Variants in RGMB observed in about 807,000 individuals in gnomAD.
RGMB encodes repulsive guidance molecule B.
A neutral mutation model predicts 26.9 loss-of-function variants in RGMB; 16 were observed. That is an observed-to-expected ratio of 0.60 (90% CI 0.40 to 0.90). RGMB has a LOEUF of 0.90. RGMB is among the 40% of genes least tolerant of loss of function. RGMB has a pLI of 0.00. For missense variants in RGMB, 512 were observed against 573.3 expected (o/e 0.89, Z 1.09); for synonymous variants, 225 against 229.3 (o/e 0.98, Z 0.17).
At chr5:98,772,350 G>A (rs890096019), upstream of RGMB, among the ~76,000 whole-genome samples, 1 of 152,224 alleles carries the variant, frequency 6.6e-6, no homozygotes, top group African/African-American at 2.4e-5. Flanking sequence ...TAAGTGAGCT[G>A]GTGAGACTGA....
At chr5:98,783,934 T>C (rs6866527) in intron 2 of RGMB, among the ~76,000 whole-genome samples, 12,319 of 152,278 alleles carry the variant, frequency 0.081, 635 homozygotes, top group African/African-American at 0.15. Flanking sequence ...GTATCCTTTT[T>C]CACCACTCTT....
chr5:98,773,278 T>G (rs767874393), upstream of RGMB: 6 of 152,042 alleles, frequency 3.9e-5, no homozygotes, highest in Non-Finnish European at 8.8e-5. Context: ...TCGGATCACA[T>G]TAATTCAAGG....
intron 2 of RGMB, among the ~76,000 whole-genome samples, chr5:98,782,065 G>A (rs1453124675): frequency 6.6e-6 from 1 of 152,182 alleles, no homozygotes; most frequent in Non-Finnish European, 1.5e-5. Context: ...GTCTTTAATT[G>A]CACTATTGGA....
intron 2 of RGMB, among the ~76,000 whole-genome samples, chr5:98,782,006 G>C (rs979254275): frequency 6.6e-6 from 1 of 152,210 alleles, no homozygotes; most frequent in African/African-American, 2.4e-5. Flanking sequence ...AAAAAAGTTG[G>C]AGAAAGTGGT....
intron 1 of RGMB, 80 bp downstream of exon 1, chr5:98,774,286 T>A: frequency 7.7e-7 from 1 of 1,296,588 alleles, no homozygotes; most frequent in Non-Finnish European, 9.9e-7. Context: ...TCGAAGGCGC[T>A]CGCCGGGGCG....
At chr5:98,773,269 CG>C (rs1327964960), upstream of RGMB, 1 of 151,988 alleles carries the variant, frequency 6.6e-6, no homozygotes, top group African/African-American at 2.4e-5. Context: ...GAAGATGAAT[CG>C]GATCACATTA....
At position 98,779,599 on chromosome 5, in the gene RGMB, C is replaced by G; in HGVS notation, c.156C>G (p.Ala52=). 6.6e-7 allele frequency: 1 copy of G among 1,517,370 alleles called. No homozygotes were observed. The highest frequency in any genetic ancestry group is 8.8e-7 in the Non-Finnish European group (1 of 1,131,756). The allele number at this position is 1,517,370 out of a possible 1,614,324, so 94.0% of individuals were successfully genotyped here. ...CCATAGGTGACTGCCAACAGCCAGCCCAATGTCGAATCCAGAAATGCACCA... is the reference window on the plus strand; with the variant it reads ...CCATAGGTGACTGCCAACAGCCAGCGCAATGTCGAATCCAGAAATGCACCA... The part of the protein sequence containing the change: ...LLHAGDCQQP[A]QCRIQKCTTD... The change falls in exon 2 of 3, where the codon GCC becomes GCG. Residue 52 remains alanine (A), a synonymous_variant. Coordinates refer to ENST00000513185, the MANE Select transcript of RGMB (RefSeq NM_001366508.1).
At position 98,793,749 on chromosome 5, in the gene RGMB, TG is replaced by T. The variant is rs2112383391; in HGVS notation, c.1311del (p.Leu437PhefsTer15). The T allele has an allele frequency of 6.5e-7, 1 of 1,549,226 alleles. No homozygotes were observed. Among genetic ancestry groups the T allele is most frequent in the East Asian group, 2.4e-5 (1 of 42,108 alleles). On this transcript the variant is annotated frameshift_variant, in exon 3 of 3. Transcript: ENST00000513185. LOFTEE classifies it high-confidence loss of function. ...ACCTGCTTGATCCTTATCGTGTTTT[TG>T]TAGGGGTTGTCTTTTGTTTTGGTTT... Reference protein sequence around the residue: ...GLTCLILIVFL With the variant: ...GLTCLILIVFX
chr5:98,786,604 G>A (rs1746772767), intron 2 of RGMB, among the ~76,000 whole-genome samples: 1 of 152,206 alleles, frequency 6.6e-6, no homozygotes, highest in South Asian at 2.1e-4. Flanking sequence ...AATGAAAACT[G>A]CTACCTTATC....
intron 2 of RGMB, among the ~76,000 whole-genome samples, chr5:98,788,179 A>G (rs1489781188): frequency 6.6e-6 from 1 of 152,192 alleles, no homozygotes; most frequent in African/African-American, 2.4e-5. Flanking sequence ...TTCAAGCCCT[A>G]AAAGGAGTCC....
chr5:98,769,293 C>T (rs1746072964), upstream of RGMB: 1 of 152,174 alleles, frequency 6.6e-6, no homozygotes, highest in Non-Finnish European at 1.5e-5. Flanking sequence ...CTGTTCACCT[C>T]TATTTGAGGC....
At chr5:98,790,227 A>G (rs959277615) in intron 2 of RGMB, among the ~76,000 whole-genome samples, 11 of 152,228 alleles carry the variant, frequency 7.2e-5, no homozygotes, top group Admixed American at 6.5e-4. Context: ...TATTTAAACT[A>G]CAAGGGACTA....
chr5:98,773,908 T>C lies in RGMB; in HGVS notation c.-163T>C. ...ACTGGCTGCGCCGGCTGCGCGCTGC[T>C]TGCTGCGGCGGTGGTGGCGCCCCAT... On this transcript the variant is annotated 5_prime_UTR_variant, in exon 1 of 3. Transcript: ENST00000513185. The C allele has an allele frequency of 1.9e-6, 1 of 536,014 alleles. No homozygotes were observed. The highest frequency in any genetic ancestry group is 3.3e-6 in the Non-Finnish European group (1 of 305,118). The allele number at this position is 536,014 out of a possible 1,614,324, so 33.2% of individuals were successfully genotyped here.
chr5:98,790,021 T>C (rs922246879), intron 2 of RGMB, among the ~76,000 whole-genome samples: 1 of 152,242 alleles, frequency 6.6e-6, no homozygotes, highest in Non-Finnish European at 1.5e-5. Flanking sequence ...AATGAATAAA[T>C]TTTGCTTTTC....
intron 2 of RGMB, among the ~76,000 whole-genome samples, chr5:98,790,731 G>A: frequency 6.6e-6 from 1 of 152,028 alleles, no homozygotes; most frequent in East Asian, 1.9e-4. Context: ...TTCCTAAGGT[G>A]AACAAAAAAG....
In RGMB at chr5:98,774,202, C is replaced by T. The variant is rs756860133; in HGVS notation, c.132C>T (p.His44=). 6.8e-7 allele frequency: 1 copy of T among 1,474,492 alleles called. No individual in the cohort carries two copies. The highest frequency in any genetic ancestry group is 8.9e-7 in the Non-Finnish European group (1 of 1,121,160). 91.3% of individuals were successfully genotyped at this position (1,474,492 alleles called of 1,614,324 possible). The change falls in exon 1 of 3, where the codon CAC becomes CAT. Residue 44 remains histidine (H), a synonymous_variant. Coordinates refer to ENST00000513185, the MANE Select transcript of RGMB (RefSeq NM_001366508.1). ...TGCTGTTCAGCCTCGGGCTGCTCCA[C>T]GCAGGTAGGACGGGAGCGCGCGAGG... ...LLLLFSLGLL[H]AGDCQQPAQC...
rs542585819 is a variant in RGMB, at chr5:98,793,803, A to T, written c.*50A>T. The T allele has an allele frequency of 3.0e-6, 4 of 1,313,564 alleles. No homozygotes were observed. Among genetic ancestry groups the T allele is most frequent in the African/African-American group, 1.5e-5 (1 of 66,988 alleles). 81.4% of individuals were successfully genotyped at this position (1,313,564 alleles called of 1,614,324 possible). ...TATTTTTTGTCTATAACAAAATTTTAAAATATATATTGTCATAATATATTG... is the reference window on the plus strand; with the variant it reads ...TATTTTTTGTCTATAACAAAATTTTTAAATATATATTGTCATAATATATTG... On this transcript the variant is annotated 3_prime_UTR_variant, in exon 3 of 3. Transcript: ENST00000513185.
intron 1 of RGMB, among the ~76,000 whole-genome samples, chr5:98,774,426 C>T (rs1171310277): frequency 6.6e-6 from 1 of 152,200 alleles, no homozygotes; most frequent in Non-Finnish European, 1.5e-5. Flanking sequence ...TTCTCTCCAC[C>T]CTCCCCGCCT....
At chr5:98,781,552 C>T (rs1209029523) in intron 2 of RGMB, among the ~76,000 whole-genome samples, 1 of 152,052 alleles carries the variant, frequency 6.6e-6, no homozygotes, top group Non-Finnish European at 1.5e-5. Context: ...AGTCATATGG[C>T]ACATGAAAGC....
Sources: gnomAD v4.1 joint callset for allele counts (sites outside exome capture counted in the v4.1 genomes callset) on GRCh38, gnomAD v4.1.1 for gene constraint, MANE v1.5 for transcripts, NCBI Gene and HGNC (gene_info 2026-07-23, HGNC 2026-07-21) for gene names.